SH3PXD2A: variants seen among roughly 807,000 people sequenced by gnomAD.
The protein encoded by SH3PXD2A is SH3 and PX domain-containing protein 2A.
A neutral mutation model predicts 115.2 loss-of-function variants in SH3PXD2A; 32 were observed. The ratio of observed to expected loss-of-function variants is 0.28; its 90% CI spans 0.21 to 0.37. The LOEUF is 0.37. Ranked by LOEUF, SH3PXD2A falls within the 10% of genes least tolerant of loss-of-function variation. The pLI, the probability that SH3PXD2A is intolerant of heterozygous loss-of-function variation, is 1.00. For missense variants in SH3PXD2A, 1,328 were observed against 1,498.7 expected, an observed-to-expected ratio of 0.89 and a Z score of 1.88; for synonymous variants, 610 against 629.1, an observed-to-expected ratio of 0.97 and a Z score of 0.45.
At chr10:103,608,149 T>TAAAAAAAAAAAAAAAAAAAAG (rs1564842891) in intron 13 of SH3PXD2A, among the ~76,000 whole-genome samples, 2 of 6,470 alleles carry the variant, frequency 3.1e-4, no homozygotes, top group African/African-American at 3.8e-3. Context: ...AATGATCAAT[T>TAAAAAAAAAAAAAAAAAAAAG]TAAAAAAAAA....
At chr10:103,817,824 C>T (rs995673646) in intron 1 of SH3PXD2A, among the ~76,000 whole-genome samples, 2 of 152,202 alleles carry the variant, frequency 1.3e-5, no homozygotes, top group African/African-American at 4.8e-5. Flanking sequence ...CAAGCAACCA[C>T]ACATTATATG....
chr10:103,848,090 C>T (rs137963026), intron 1 of SH3PXD2A, among the ~76,000 whole-genome samples: 4 of 152,164 alleles, frequency 2.6e-5, no homozygotes, highest in Admixed American at 6.5e-5. Context: ...GGCGCATTCT[C>T]GCTCTTGCCA....
chr10:103,748,975 C>CAT (rs1554919116), intron 3 of SH3PXD2A, among the ~76,000 whole-genome samples: 2 of 146,846 alleles, frequency 1.4e-5, no homozygotes, highest in African/African-American at 4.9e-5. Flanking sequence ...TTTCTTCTTT[C>CAT]TTTTTTTTTT....
At chr10:103,758,576 T>A (rs2134214560) in intron 3 of SH3PXD2A, among the ~76,000 whole-genome samples, 1 of 152,364 alleles carries the variant, frequency 6.6e-6, no homozygotes, top group East Asian at 1.9e-4. Flanking sequence ...ACACAGTATG[T>A]GTTCAATAAA....
intron 1 of SH3PXD2A, among the ~76,000 whole-genome samples, chr10:103,810,950 G>GCACA (rs1286107994): frequency 0.01 from 49 of 4,816 alleles, 1 homozygote; most frequent in South Asian, 0.033. Context: ...AGGCGCGCGC[G>GCACA]CGCACACACA....
chr10:103,787,064 G>T (rs372322320), intron 2 of SH3PXD2A, among the ~76,000 whole-genome samples: 33 of 152,310 alleles, frequency 2.2e-4, no homozygotes, highest in African/African-American at 7.9e-4. Context: ...GTTCTGTCCA[G>T]CTTTGCATCC....
chr10:103,628,798 C>G (rs12415095), intron 8 of SH3PXD2A, among the ~76,000 whole-genome samples: 28,882 of 152,176 alleles, frequency 0.19, 2,986 homozygotes, highest in East Asian at 0.28. Flanking sequence ...TCAGGAAGAA[C>G]TGGGGATATG....
chr10:103,595,165 A>G lies in SH3PXD2A; in HGVS notation c.*6651T>C, dbSNP rs140235717. On this transcript the variant is annotated 3_prime_UTR_variant, in exon 15 of 15. Coordinates refer to ENST00000369774, the MANE Select transcript of SH3PXD2A (RefSeq NM_001394015.1). ...CTGCTAAGTAAATCAATGACCATTC[A>G]TTGAGAACTGATGGGGACCCAGCGT... 1 of 152,356 alleles carries G rather than the reference A, an allele frequency of 6.6e-6. No individual in the cohort carries two copies. The highest frequency in any genetic ancestry group is 1.9e-4 in the East Asian group (1 of 5,194). 9.4% of individuals were successfully genotyped at this position (152,356 alleles called of 1,614,324 possible).
Position 103,756,188 on chromosome 10 carries a change from C to G in SH3PXD2A, c.229+10906G>C, listed in dbSNP as rs1032648450. Among the ~76,000 whole-genome samples the G allele has an allele frequency of 4.6e-5, 7 of 152,268 alleles. No individual in the cohort carries two copies. Among genetic ancestry groups the G allele is most frequent in the Middle Eastern group, 3.4e-3 (1 of 294 alleles). Reference sequence around the variant, plus strand: ...TTCAGCGCCCAGAACGATGGATCTGCTGGGTGCCAGGCAGCCCTGGATGAA... The same window carrying G: ...TTCAGCGCCCAGAACGATGGATCTGGTGGGTGCCAGGCAGCCCTGGATGAA... On this transcript the variant is annotated intron_variant, in intron 3 of 14. Coordinates refer to ENST00000369774, the MANE Select transcript of SH3PXD2A (RefSeq NM_001394015.1). This position sits in a 1 kb window ranked among gnomAD's most constrained non-coding sequence, Gnocchi z 4.4.
rs1333867359 is a variant in SH3PXD2A at position 103,756,080 on chromosome 10, G to A, written c.229+11014C>T. Among the ~76,000 whole-genome samples the A allele has an allele frequency of 6.6e-6, 1 of 152,198 alleles. No homozygotes were observed. Among genetic ancestry groups the A allele is most frequent in the Non-Finnish European group, 1.5e-5 (1 of 68,028 alleles). Reference sequence around the variant, plus strand: ...GTCCCCTGGGGCCAACTGTGGTCTGGAGGCTGGGCAGCCTGGCATCCTGGG... The same window carrying A: ...GTCCCCTGGGGCCAACTGTGGTCTGAAGGCTGGGCAGCCTGGCATCCTGGG... On this transcript the variant is annotated intron_variant, in intron 3 of 14. Coordinates refer to ENST00000369774, the MANE Select transcript of SH3PXD2A (RefSeq NM_001394015.1). The surrounding 1 kb of genome is among the most constrained non-coding windows in gnomAD (Gnocchi z 4.4).
chr10:103,670,472 T>G (rs2037441802), intron 6 of SH3PXD2A, among the ~76,000 whole-genome samples: 1 of 152,228 alleles, frequency 6.6e-6, no homozygotes, highest in Admixed American at 6.5e-5. Context: ...TGAACGTGGT[T>G]AGCATAAGCC....
chr10:103,763,712 TA>T (rs34665318), intron 3 of SH3PXD2A, among the ~76,000 whole-genome samples: 6,017 of 152,310 alleles, frequency 0.04, 187 homozygotes, highest in Non-Finnish European at 0.058. Flanking sequence ...GGGCTACTGC[TA>T]GGGGCTTCCA....
chr10:103,660,702 C>T (rs2037282513), intron 8 of SH3PXD2A, among the ~76,000 whole-genome samples: 1 of 152,226 alleles, frequency 6.6e-6, no homozygotes, highest in Non-Finnish European at 1.5e-5. Flanking sequence ...GCACGGGGAC[C>T]CCAGCAGGGC....
intron 13 of SH3PXD2A, 22 bp from the exon 14 acceptor site, chr10:103,605,939 T>C: frequency 6.2e-7 from 1 of 1,612,718 alleles, no homozygotes; most frequent in Non-Finnish European, 8.5e-7. Context: ...GAACACACAG[T>C]GGGCAAAACC....
At chr10:103,780,863 T>G (rs891837975) in intron 2 of SH3PXD2A, among the ~76,000 whole-genome samples, 5 of 152,222 alleles carry the variant, frequency 3.3e-5, no homozygotes, top group Non-Finnish European at 5.9e-5. Context: ...AGATTTCATC[T>G]TCGGCTTCAC....
chr10:103,616,951 C>T (rs1163299962), intron 11 of SH3PXD2A, among the ~76,000 whole-genome samples: 1 of 152,292 alleles, frequency 6.6e-6, no homozygotes, highest in Non-Finnish European at 1.5e-5. Context: ...GCAAGCTGAC[C>T]CGGGGCCTCT....
At chr10:103,834,962 G>A (rs1333233274) in intron 1 of SH3PXD2A, among the ~76,000 whole-genome samples, 31 of 152,164 alleles carry the variant, frequency 2.0e-4, no homozygotes, top group Admixed American at 2.0e-3. Flanking sequence ...TCTGGGCCTG[G>A]GAATTTATTG....
intron 8 of SH3PXD2A, among the ~76,000 whole-genome samples, chr10:103,653,436 G>C (rs550453322): frequency 6.6e-6 from 1 of 152,228 alleles, no homozygotes; most frequent in Non-Finnish European, 1.5e-5. Context: ...TGTCACTCTG[G>C]CACTTCTGTG....
At position 103,625,203 on chromosome 10, in the gene SH3PXD2A, C is replaced by T. The variant is rs544446685; in HGVS notation, c.718+1886G>A. Reference sequence around the variant, plus strand: ...GCTGGCATCTGTGCTCCACACCTCTCGTGCGCTTTCCTGCCCTGGCCTTCT... The same window carrying T: ...GCTGGCATCTGTGCTCCACACCTCTTGTGCGCTTTCCTGCCCTGGCCTTCT... On this transcript the variant is annotated intron_variant, in intron 9 of 14. Transcript: ENST00000369774. 3.0e-4 allele frequency among the ~76,000 whole-genome samples: 45 copies of T among 152,332 alleles called. 1 individual carries two copies. The East Asian group carries it at 7.5e-3, about 26-fold the overall frequency.
Sources: gnomAD v4.1 joint callset for allele counts (sites outside exome capture counted in the v4.1 genomes callset) on GRCh38, gnomAD v4.1.1 for gene constraint, Gnocchi (gnomAD v3.1) non-coding constraint, MANE v1.5 for transcripts, NCBI Gene and HGNC (gene_info 2026-07-23, HGNC 2026-07-21) for gene names.